The following PTPRE variants were observed in gnomAD, a reference collection of about 807,000 sequenced individuals.
PTPRE encodes protein tyrosine phosphatase receptor type E.
A neutral mutation model predicts 102.0 loss-of-function variants in PTPRE; 51 were observed. The ratio of observed to expected loss-of-function variants is 0.50; its 90% CI spans 0.40 to 0.63. The LOEUF (loss-of-function observed/expected upper bound fraction) is 0.63, where lower values mean the gene tolerates loss of function less well. Ranked by LOEUF, PTPRE falls within the 30% of genes least tolerant of loss-of-function variation. PTPRE has a pLI of 0.00. For synonymous variants in PTPRE, 345 were observed against 348.2 expected (o/e 0.99, Z 0.10); for missense variants, 752 against 915.1 (o/e 0.82, Z 2.30).
At chr10:127,934,976 C>G (rs569591974) in intron 1 of PTPRE, 1 of 152,480 alleles carries the variant, frequency 6.6e-6, no homozygotes, top group Admixed American at 6.5e-5. Context: ...TGAGCATAGC[C>G]TCCACTCCTC....
chr10:127,995,877 C>T (rs1853211447), intron 2 of PTPRE, among the ~76,000 whole-genome samples: 1 of 151,594 alleles, frequency 6.6e-6, no homozygotes, highest in Admixed American at 6.6e-5. Flanking sequence ...TATTGGAGAC[C>T]ACCTTGAACT....
At position 128,070,277 on chromosome 10, in the gene PTPRE, T is replaced by C. The variant is rs949222231; in HGVS notation, c.1144-24T>C. The C allele has an allele frequency of 8.2e-6, 13 of 1,583,976 alleles. No individual in the cohort carries two copies. In the Admixed American group the frequency reaches 1.4e-4, roughly 17 times the overall value. Reference sequence around the variant, plus strand: ...AGACTGCAGGGCAGAGTTGAGGGTGTGGGCACCCCTGGCCTCTCTGCAGAT... The same window carrying C: ...AGACTGCAGGGCAGAGTTGAGGGTGCGGGCACCCCTGGCCTCTCTGCAGAT... On this transcript the variant is annotated intron_variant, in intron 13 of 20. Transcript: ENST00000254667. This position sits in a 1 kb window ranked among gnomAD's most constrained non-coding sequence, Gnocchi z 4.8.
At chr10:128,010,793 G>C (rs745694275) in intron 2 of PTPRE, among the ~76,000 whole-genome samples, 45 of 152,002 alleles carry the variant, frequency 3.0e-4, no homozygotes, top group Admixed American at 5.9e-4. Flanking sequence ...GGGTTTCACC[G>C]TGTTAGCCAG....
chr10:128,013,546 G>A (rs1318195817), intron 2 of PTPRE, among the ~76,000 whole-genome samples: 3 of 152,164 alleles, frequency 2.0e-5, no homozygotes, highest in Non-Finnish European at 4.4e-5. Flanking sequence ...TGATCTGAAT[G>A]TCTGTGTCCC....
chr10:128,076,858 A>G (rs993817875), intron 18 of PTPRE, 130 bp downstream of exon 18: 1 of 1,301,858 alleles, frequency 7.7e-7, no homozygotes, highest in African/African-American at 1.5e-5. Flanking sequence ...CCCATTGGCT[A>G]TGAATGGCCA....
At chr10:128,074,601 AG>A (rs1421023125) in intron 17 of PTPRE, among the ~76,000 whole-genome samples, 1 of 151,882 alleles carries the variant, frequency 6.6e-6, no homozygotes, top group Non-Finnish European at 1.5e-5. Context: ...TGGGAGGCAG[AG>A]GTTGCATTGA....
chr10:128,015,969 T>C (rs1845391602), intron 2 of PTPRE, among the ~76,000 whole-genome samples: 1 of 152,180 alleles, frequency 6.6e-6, no homozygotes. Flanking sequence ...GGACACGAGC[T>C]GCGTGTTTCC....
chr10:127,952,984 T>C (rs1849146849), intron 1 of PTPRE, among the ~76,000 whole-genome samples: 2 of 152,334 alleles, frequency 1.3e-5, no homozygotes, highest in Non-Finnish European at 2.9e-5. Flanking sequence ...ATGGGGCATG[T>C]CAAGATATCC....
At chr10:127,947,790 C>T (rs1251898226) in intron 1 of PTPRE, among the ~76,000 whole-genome samples, 2 of 152,142 alleles carry the variant, frequency 1.3e-5, no homozygotes, top group African/African-American at 2.4e-5. Context: ...ATTCAGTCTA[C>T]AAGAGAAACT....
chr10:127,937,379 C>A (rs892477514), intron 1 of PTPRE, among the ~76,000 whole-genome samples: 2 of 152,140 alleles, frequency 1.3e-5, no homozygotes, highest in African/African-American at 4.8e-5. Flanking sequence ...CCAAATTAAA[C>A]CATGAGTGGA....
chr10:128,013,068 A>C (rs1261992018), intron 2 of PTPRE, among the ~76,000 whole-genome samples: 1 of 152,198 alleles, frequency 6.6e-6, no homozygotes, highest in Non-Finnish European at 1.5e-5. Flanking sequence ...TAAAGAGAAG[A>C]GTCTATTTAA....
Position 128,045,447 on chromosome 10 carries a change from T to G in PTPRE, c.110-1943T>G, listed in dbSNP as rs551995557. On this transcript the variant is annotated intron_variant, in intron 3 of 20. Transcript: ENST00000254667. ...AGCTGAGCCCAGAGCCTGACCTCTG[T>G]GTGATGCAGAAGTGGGAAGTTTCAT... Among the ~76,000 whole-genome samples the G allele has an allele frequency of 1.1e-3, 169 of 152,224 alleles. 1 individual carries two copies. Among genetic ancestry groups the G allele is most frequent in the Admixed American group, 9.2e-3 (140 of 15,296 alleles).
At chr10:128,065,930 G>A in intron 10 of PTPRE, 145 bp from the exon 11 acceptor site, 18 of 1,199,022 alleles carry the variant, frequency 1.5e-5, no homozygotes, top group Non-Finnish European at 2.2e-5. Flanking sequence ...CATTCAAGAG[G>A]TCGACACACG....
At position 128,073,488 on chromosome 10, in the gene PTPRE, A is replaced by G. The variant is rs1850960668; in HGVS notation, c.1599+17A>G. ...AGAGAGCAGGTGAGGAGTGCCGCCC[A>G]GCCCGGTCCCTCCAGGGCAGCCTGT... is the stretch of plus-strand genomic sequence containing the variant. On this transcript the variant is annotated intron_variant, in intron 17 of 20. Coordinates refer to ENST00000254667, the MANE Select transcript of PTPRE (RefSeq NM_006504.6). 1 of 1,604,636 alleles carries G rather than the reference A, an allele frequency of 6.2e-7. No individual in the cohort carries two copies. The highest frequency in any genetic ancestry group is 1.7e-5 in the Admixed American group (1 of 59,162).
At chr10:127,951,547 A>G (rs748543060) in intron 1 of PTPRE, among the ~76,000 whole-genome samples, 1 of 152,146 alleles carries the variant, frequency 6.6e-6, no homozygotes, top group Non-Finnish European at 1.5e-5. Context: ...CTCAGATCCA[A>G]TTTACAGTGG....
chr10:127,933,683 C>T (rs1403759531), intron 1 of PTPRE, among the ~76,000 whole-genome samples: 1 of 152,198 alleles, frequency 6.6e-6, no homozygotes, highest in African/African-American at 2.4e-5. Flanking sequence ...GGCTCCCTGG[C>T]ATTTAACAGA....
intron 5 of PTPRE, among the ~76,000 whole-genome samples, chr10:128,048,749 CA>C (rs1848307621): frequency 6.6e-6 from 1 of 152,182 alleles, no homozygotes; most frequent in South Asian, 2.1e-4. Flanking sequence ...CAGCATCACT[CA>C]TTCTGATCCC....
intron 2 of PTPRE, among the ~76,000 whole-genome samples, chr10:128,026,772 C>T (rs190392132): frequency 6.6e-6 from 1 of 152,370 alleles, no homozygotes; most frequent in East Asian, 1.9e-4. Flanking sequence ...ACAAGCAAAG[C>T]TGTCTCCAAA....
chr10:127,947,344 T>C (rs1303622105), intron 1 of PTPRE, among the ~76,000 whole-genome samples: 1 of 152,176 alleles, frequency 6.6e-6, no homozygotes, highest in Non-Finnish European at 1.5e-5. Flanking sequence ...TCAAAACTCC[T>C]CTCCTAGGAA....
Sources: gnomAD v4.1 joint callset for allele counts (sites outside exome capture counted in the v4.1 genomes callset) on GRCh38, gnomAD v4.1.1 for gene constraint, Gnocchi (gnomAD v3.1) non-coding constraint, MANE v1.5 for transcripts, NCBI Gene and HGNC (gene_info 2026-07-23, HGNC 2026-07-21) for gene names.